The following MARCHF2 variants were observed in gnomAD, a reference collection of about 807,000 sequenced individuals.
MARCHF2 encodes the protein E3 ubiquitin-protein ligase MARCHF2.
A neutral mutation model predicts 24.0 loss-of-function variants in MARCHF2; 22 were observed. The observed-to-expected ratio is 0.92, with a 90% CI of 0.66 to 1.31. MARCHF2 has a LOEUF of 1.31. Ranked by LOEUF, MARCHF2 falls within the 50% of genes most tolerant of loss-of-function variation. MARCHF2 has a pLI of 0.00. For synonymous variants in MARCHF2, 154 were observed against 153.0 expected (o/e 1.01, Z -0.05); for missense variants, 301 against 335.3 (o/e 0.90, Z 0.80).
At position 8,422,011 on chromosome 19, in the gene MARCHF2, A is replaced by G. The variant is rs1218329135; in HGVS notation, c.171A>G (p.Thr57=). The G allele has an allele frequency of 6.2e-7, 1 of 1,609,134 alleles. No homozygotes were observed. Residue 57 remains threonine (T), a synonymous_variant, in exon 2 of 5, where the codon ACA becomes ACG. Transcript: ENST00000215555. ...LLSTVIRALD[T]PSDGPFCRIC... ...CCACCGTCATCCGTGCCTTGGACAC[A>G]CCGAGGTGAGTGGTGACTGCGTGGA...
chr19:8,421,831 C>T lies in MARCHF2; in HGVS notation c.-10C>T. On this transcript the variant is annotated 5_prime_UTR_variant, in exon 2 of 5. Coordinates refer to ENST00000215555, the MANE Select transcript of MARCHF2 (RefSeq NM_001005415.2). Reference sequence around the variant, plus strand: ...CCTCAGGCCCTGAGGATACGGGGCTCCCGGTGGCCATGACGACGGGTGACT... The same window carrying T: ...CCTCAGGCCCTGAGGATACGGGGCTTCCGGTGGCCATGACGACGGGTGACT... The T allele has an allele frequency of 1.9e-6, 3 of 1,601,416 alleles. No individual in the cohort carries two copies. Among genetic ancestry groups the T allele is most frequent in the Non-Finnish European group, 2.6e-6 (3 of 1,173,468 alleles).
At chr19:8,427,301 A>G (rs757874264) in intron 3 of MARCHF2, among the ~76,000 whole-genome samples, 11 of 151,698 alleles carry the variant, frequency 7.3e-5, no homozygotes, top group Non-Finnish European at 1.2e-4. Context: ...TGCCCACCTC[A>G]GCCTCCCAAA....
chr19:8,436,152 G>T (rs1231087727), intron 4 of MARCHF2, among the ~76,000 whole-genome samples: 2 of 150,278 alleles, frequency 1.3e-5, no homozygotes, highest in East Asian at 1.9e-4. Flanking sequence ...TTTTTTTTTG[G>T]GGGGGACAGA....
At chr19:8,422,187 G>A (rs1272860750) in intron 2 of MARCHF2, among the ~76,000 whole-genome samples, 171 bp downstream of exon 2, 3 of 152,142 alleles carry the variant, frequency 2.0e-5, no homozygotes, top group African/African-American at 7.2e-5. Context: ...GCCTAGCTTT[G>A]GCCGGGTCTG....
At chr19:8,419,849 A>AAAAAAT (rs1170400417) in intron 1 of MARCHF2, among the ~76,000 whole-genome samples, 86 of 143,216 alleles carry the variant, frequency 6.0e-4, no homozygotes, top group Non-Finnish European at 1.1e-3. Context: ...AAATAAAAAT[A>AAAAAAT]AAAAATAAAA....
intron 2 of MARCHF2, among the ~76,000 whole-genome samples, chr19:8,424,000 A>AG (rs1215929763): frequency 4.6e-5 from 7 of 151,452 alleles, no homozygotes; most frequent in African/African-American, 9.7e-5. Flanking sequence ...AAAAAAAAAA[A>AG]AAAGAAAGAA....
intron 4 of MARCHF2, among the ~76,000 whole-genome samples, chr19:8,437,373 A>C (rs1967755964): frequency 8.7e-6 from 1 of 114,736 alleles, no homozygotes; most frequent in African/African-American, 3.2e-5. Context: ...TTTTTTTGAG[A>C]CGGAGTCTCG....
intron 1 of MARCHF2, among the ~76,000 whole-genome samples, chr19:8,421,354 CT>C (rs796281979): frequency 2.5e-4 from 25 of 100,566 alleles, no homozygotes; most frequent in African/African-American, 7.1e-4. Flanking sequence ...CCTAGCTTTT[CT>C]TTTTTTTTTA....
chr19:8,428,628 C>A, intron 3 of MARCHF2, among the ~76,000 whole-genome samples: 2 of 107,464 alleles, frequency 1.9e-5, no homozygotes, highest in Admixed American at 1.5e-4. Flanking sequence ...CCAGCCTGGG[C>A]AACAGATTGA....
At chr19:8,427,268 C>T (rs561594790) in intron 3 of MARCHF2, among the ~76,000 whole-genome samples, 5 of 151,996 alleles carry the variant, frequency 3.3e-5, no homozygotes, top group African/African-American at 1.2e-4. Flanking sequence ...AGGCTGGTCT[C>T]GAACTCCTGA....
At chr19:8,428,827 G>A (rs984737871) in intron 3 of MARCHF2, among the ~76,000 whole-genome samples, 12 of 151,130 alleles carry the variant, frequency 7.9e-5, no homozygotes, top group African/African-American at 2.7e-4. Flanking sequence ...AGCTGGGCAT[G>A]GTGGCGGGGG....
intron 1 of MARCHF2, among the ~76,000 whole-genome samples, chr19:8,416,340 C>CAAA (rs71175852): frequency 5.2e-5 from 4 of 77,460 alleles, no homozygotes; most frequent in Non-Finnish European, 7.6e-5. Flanking sequence ...GACTCTGTCT[C>CAAA]AAAAAAAAAA....
At chr19:8,432,761 A>G (rs1410814939) in intron 4 of MARCHF2, among the ~76,000 whole-genome samples, 1 of 152,142 alleles carries the variant, frequency 6.6e-6, no homozygotes, top group East Asian at 1.9e-4. Flanking sequence ...ACTATACTCC[A>G]CCCTGGGTGA....
At position 8,421,893 on chromosome 19, in the gene MARCHF2, G is replaced by A; in HGVS notation, c.53G>A (p.Gly18Asp). 6.2e-7 allele frequency: 1 copy of A among 1,613,604 alleles called. No homozygotes were observed. The highest frequency in any genetic ancestry group is 1.1e-5 in the South Asian group (1 of 90,992). Residue 18 changes from glycine to aspartate, a missense_variant, in exon 2 of 5, where the codon GGC becomes GAC. Physicochemically the swap from Gly to Asp is moderately conservative, Grantham distance 94 (BLOSUM62 -1). Transcript: ENST00000215555. Reference protein sequence around the residue: ...HLPGSLCDCSGSPAFSKVVEA... With the variant: ...HLPGSLCDCSDSPAFSKVVEA... ...CCCGGCTCCCTGTGTGACTGCTCCG[G>A]CAGCCCTGCCTTCTCCAAGGTCGTG...
rs189272666 is a variant in MARCHF2 at position 8,429,363 on chromosome 19, A to G, written c.373-1295A>G. On this transcript the variant is annotated intron_variant, in intron 3 of 4. Transcript: ENST00000215555. ...CTGGGTGTGGTAGCTCATGCCTGTAATCCCAGCACTTTGGGAAGCCAAGGT... is the reference window on the plus strand; with the variant it reads ...CTGGGTGTGGTAGCTCATGCCTGTAGTCCCAGCACTTTGGGAAGCCAAGGT... 2.0e-3 allele frequency among the ~76,000 whole-genome samples: 311 copies of G among 151,818 alleles called. 4 individuals are homozygous for G. Among genetic ancestry groups the G allele is most frequent in the African/African-American group, 7.1e-3 (292 of 41,408 alleles).
chr19:8,415,728 AAAAAAACAAAAAAAAC>A lies in MARCHF2; in HGVS notation c.-53+2315_-53+2330del, dbSNP rs1444640455. 2.7e-4 allele frequency among the ~76,000 whole-genome samples: 26 copies of A among 95,564 alleles called. 1 individual carries two copies. In the East Asian group the frequency reaches 3.1e-3, roughly 11 times the overall value. 62.7% of individuals were successfully genotyped at this position (95,564 alleles called of 152,430 possible). On this transcript the variant is annotated intron_variant, in intron 1 of 4. Transcript: ENST00000215555. The stretch of plus-strand genomic sequence containing the variant: ...AAGAGTGAAACTCCATCTCAAAAAA[AAAAAAACAAAAAAAAC>A]AAAAAAAAAAACCAGACAAAAGAAA...
intron 2 of MARCHF2, among the ~76,000 whole-genome samples, chr19:8,425,936 G>T (rs982709407): frequency 6.6e-6 from 1 of 151,674 alleles, no homozygotes; most frequent in Non-Finnish European, 1.5e-5. Context: ...ATTAAGAGTC[G>T]AGGATTGGGG....
intron 2 of MARCHF2, 146 bp from the exon 3 acceptor site, chr19:8,426,463 G>A: frequency 1.6e-6 from 1 of 644,652 alleles, no homozygotes; most frequent in South Asian, 1.9e-5. Flanking sequence ...CAAAGGGAAG[G>A]ACATTTAGAG....
At chr19:8,419,261 C>G (rs1305091883) in intron 1 of MARCHF2, among the ~76,000 whole-genome samples, 1 of 151,318 alleles carries the variant, frequency 6.6e-6, no homozygotes, top group East Asian at 2.0e-4. Context: ...TCTGGGAGGC[C>G]AAGGCAGGAG....
Sources: allele counts gnomAD v4.1 joint callset (sites outside exome capture counted in the v4.1 genomes callset), GRCh38; gene constraint gnomAD v4.1.1; transcripts MANE v1.5; gene names NCBI Gene and HGNC (gene_info 2026-07-23, HGNC 2026-07-21).